The following FARS2 variants were observed in gnomAD, a reference collection of about 807,000 sequenced individuals.
The protein encoded by FARS2 is phenylalanyl-tRNA synthetase 2, mitochondrial.
FARS2 carries 40 observed loss-of-function variants against 46.4 expected under a neutral mutation model. The observed-to-expected ratio is 0.86, with a 90% confidence interval of 0.67 to 1.12. FARS2 has a LOEUF of 1.12. Ranked by LOEUF, FARS2 falls within the 50% of genes most tolerant of loss-of-function variation. The pLI, the probability that FARS2 is intolerant of heterozygous loss-of-function variation, is 0.00. For missense variants in FARS2, 513 were observed against 567.9 expected, an observed-to-expected ratio of 0.90 and a Z score of 0.98; for synonymous variants, 234 against 214.9, an observed-to-expected ratio of 1.09 and a Z score of -0.78.
At chr6:5,614,883 A>G (rs1775389970) in intron 6 of FARS2, among the ~76,000 whole-genome samples, 1 of 152,236 alleles carries the variant, frequency 6.6e-6, no homozygotes, top group African/African-American at 2.4e-5. Context: ...TTATCTGTTT[A>G]TACTTGAATA....
chr6:5,361,237 G>C (rs981270301), intron 1 of FARS2, among the ~76,000 whole-genome samples: 1 of 152,084 alleles, frequency 6.6e-6, no homozygotes, highest in African/African-American at 2.4e-5. Context: ...CAAACTCGTT[G>C]CAACCATTAT....
chr6:5,263,099 G>T (rs1765305418), intron 1 of FARS2, among the ~76,000 whole-genome samples: 1 of 152,074 alleles, frequency 6.6e-6, no homozygotes, highest in Non-Finnish European at 1.5e-5. Flanking sequence ...GATTATTTTG[G>T]CTTTTTTAAA....
intron 6 of FARS2, among the ~76,000 whole-genome samples, chr6:5,646,792 A>C (rs999583747): frequency 6.6e-6 from 1 of 152,252 alleles, no homozygotes; most frequent in Admixed American, 6.5e-5. Flanking sequence ...TTTAGGGAAT[A>C]ATGTCAAGAA....
At chr6:5,355,374 GTT>G (rs796768184) in intron 1 of FARS2, among the ~76,000 whole-genome samples, 2 of 131,670 alleles carry the variant, frequency 1.5e-5, no homozygotes, top group Non-Finnish European at 1.6e-5. Flanking sequence ...TTTCCTTTTT[GTT>G]TTTTTTTTTT....
intron 3 of FARS2, among the ~76,000 whole-genome samples, chr6:5,416,909 C>A (rs1411015535): frequency 3.9e-5 from 6 of 152,322 alleles, no homozygotes; most frequent in Admixed American, 6.5e-5. Flanking sequence ...TTTGTGCCGT[C>A]ACATATTTTA....
intron 4 of FARS2, among the ~76,000 whole-genome samples, chr6:5,530,418 A>AG (rs1427605366): frequency 6.6e-6 from 1 of 152,150 alleles, no homozygotes; most frequent in Non-Finnish European, 1.5e-5. Context: ...CCTTAATGGG[A>AG]GGGAAAAAAT....
At chr6:5,401,740 C>A (rs1761267156) in intron 2 of FARS2, among the ~76,000 whole-genome samples, 1 of 152,226 alleles carries the variant, frequency 6.6e-6, no homozygotes, top group Non-Finnish European at 1.5e-5. Context: ...ATATAAACTT[C>A]TTGACCCACA....
Position 5,272,235 on chromosome 6 carries a change from A to C in FARS2, c.-22+10575A>C, listed in dbSNP as rs76604743. Among the ~76,000 whole-genome samples, 951 of 152,320 alleles carry C rather than the reference A, an allele frequency of 6.2e-3. 10 individuals carry two copies. Among genetic ancestry groups the C allele is most frequent in the South Asian group, 0.044 (211 of 4,822 alleles). On this transcript the variant is annotated intron_variant, in intron 1 of 6. Coordinates refer to ENST00000274680, the MANE Select transcript of FARS2 (RefSeq NM_006567.5). Reference sequence around the variant, plus strand: ...GAAGAAACAGGGTGAGTGCAGTGGGATGAGGTACTTTGAGAGAGAGAAGAG... The same window carrying C: ...GAAGAAACAGGGTGAGTGCAGTGGGCTGAGGTACTTTGAGAGAGAGAAGAG...
rs78544312 is a variant in FARS2 at position 5,562,523 on chromosome 6, G to A, written c.1065+17183G>A. On this transcript the variant is annotated intron_variant, in intron 5 of 6. Coordinates refer to ENST00000274680, the MANE Select transcript of FARS2 (RefSeq NM_006567.5). ...TAATCTCCTTAACATTCAGGTTTTC[G>A]GATGAGTGTTCATCAGAAAGCAAGT... Among the ~76,000 whole-genome samples the A allele has an allele frequency of 1.2e-3, 175 of 152,168 alleles. 2 individuals carry two copies. The highest frequency in any genetic ancestry group is 3.9e-3 in the African/African-American group (161 of 41,524).
intron 2 of FARS2, among the ~76,000 whole-genome samples, chr6:5,394,669 T>C (rs76155237): frequency 0.014 from 2,133 of 152,220 alleles, 52 homozygotes; most frequent in African/African-American, 0.048. Flanking sequence ...AACTCTGCTG[T>C]TTTTCTTGTA....
chr6:5,646,161 A>G (rs1777063830), intron 6 of FARS2, among the ~76,000 whole-genome samples: 1 of 152,158 alleles, frequency 6.6e-6, no homozygotes, highest in African/African-American at 2.4e-5. Flanking sequence ...ATACAGGGTA[A>G]AAATGGTGAG....
rs1335253810 is a variant in FARS2 at position 5,395,836 on chromosome 6, A to C, written c.613-8706A>C. Among the ~76,000 whole-genome samples the C allele has an allele frequency of 3.9e-5, 6 of 152,294 alleles. No homozygotes were observed. The South Asian group carries it at 1.0e-3, about 26-fold the overall frequency. On this transcript the variant is annotated intron_variant, in intron 2 of 6. Coordinates refer to ENST00000274680, the MANE Select transcript of FARS2 (RefSeq NM_006567.5). ...CATTTGTTGTTTTCTCTGCAACTTC[A>C]AATGTAACCTTGCTTATTGAGGAAA...
chr6:5,649,533 C>T (rs76903051), intron 6 of FARS2, among the ~76,000 whole-genome samples: 2,689 of 152,242 alleles, frequency 0.018, 98 homozygotes, highest in African/African-American at 0.061. Flanking sequence ...CCAGGAACAC[C>T]GTGAAGGATA....
intron 6 of FARS2, among the ~76,000 whole-genome samples, chr6:5,620,038 A>G (rs1049697746): frequency 2.0e-5 from 3 of 152,116 alleles, no homozygotes; most frequent in Non-Finnish European, 4.4e-5. Context: ...AGAAGTTGGT[A>G]TATGCTTTGC....
intron 6 of FARS2, among the ~76,000 whole-genome samples, chr6:5,759,210 G>T (rs796766594): frequency 1.3e-5 from 2 of 152,126 alleles, no homozygotes; most frequent in Non-Finnish European, 2.9e-5. Context: ...CCCGCCACCC[G>T]CTCTCACTTT....
At chr6:5,701,741 A>G (rs1758448347) in intron 6 of FARS2, among the ~76,000 whole-genome samples, 1 of 152,210 alleles carries the variant, frequency 6.6e-6, no homozygotes, top group African/African-American at 2.4e-5. Flanking sequence ...AGTTAACTTT[A>G]TGTCGACTCT....
At chr6:5,678,492 C>A (rs962073095) in intron 6 of FARS2, among the ~76,000 whole-genome samples, 1 of 152,220 alleles carries the variant, frequency 6.6e-6, no homozygotes, top group African/African-American at 2.4e-5. Flanking sequence ...AAGTTTACAT[C>A]AGAGAGGACA....
At chr6:5,543,090 T>C (rs965530666) in intron 4 of FARS2, among the ~76,000 whole-genome samples, 3 of 152,218 alleles carry the variant, frequency 2.0e-5, no homozygotes, top group African/African-American at 7.2e-5. Context: ...TAATTTTATA[T>C]GTGACCAAAT....
At chr6:5,643,267 T>C (rs970253023) in intron 6 of FARS2, among the ~76,000 whole-genome samples, 3 of 152,202 alleles carry the variant, frequency 2.0e-5, no homozygotes, top group African/African-American at 4.8e-5. Context: ...CTCCTTGTTA[T>C]AGTGTTCCCT....
Sources: gnomAD v4.1 joint callset for allele counts (sites outside exome capture counted in the v4.1 genomes callset) on GRCh38, gnomAD v4.1.1 for gene constraint, MANE v1.5 for transcripts, NCBI Gene and HGNC (gene_info 2026-07-23, HGNC 2026-07-21) for gene names.